TCF7L2: variants seen among roughly 807,000 people sequenced by gnomAD.
TCF7L2 encodes transcription factor 7-like 2.
A neutral mutation model predicts 77.9 loss-of-function variants in TCF7L2; 23 were observed. That is an observed-to-expected ratio of 0.30 (90% CI 0.21 to 0.42). The LOEUF (loss-of-function observed/expected upper bound fraction) is 0.42, where lower values mean the gene tolerates loss of function less well. Among genes scored for constraint, TCF7L2 ranks in the 10% least tolerant of loss-of-function variants. TCF7L2 has a pLI of 1.00. For synonymous variants in TCF7L2, 413 were observed against 340.2 expected (o/e 1.21, Z -2.36); for missense variants, 654 against 793.1 (o/e 0.82, Z 2.11).
chr10:113,151,590 A>G lies in TCF7L2; in HGVS notation c.1002-135A>G. 8.8e-7 allele frequency: 1 copy of G among 1,141,240 alleles called. No homozygotes were observed. Among genetic ancestry groups the G allele is most frequent in the Non-Finnish European group, 1.2e-6 (1 of 842,566 alleles). 70.7% of individuals were successfully genotyped at this position (1,141,240 alleles called of 1,614,324 possible). A position where few individuals can be genotyped will look rare whatever the true frequency, so the allele number is the denominator to read the frequency against. On this transcript the variant is annotated intron_variant, in intron 9 of 13. Coordinates refer to ENST00000627217, the MANE Select transcript of TCF7L2 (RefSeq NM_001146274.2). This position sits in a 1 kb window ranked among gnomAD's most constrained non-coding sequence, Gnocchi z 5.2. Reference sequence around the variant, plus strand: ...TTTGTTCCATTTTCCGGGGTGCAGAAGAACTAAAAGCATGCTTTTTAATCC... The same window carrying G: ...TTTGTTCCATTTTCCGGGGTGCAGAGGAACTAAAAGCATGCTTTTTAATCC...
chr10:113,117,336 A>C (rs2063855416), intron 5 of TCF7L2, among the ~76,000 whole-genome samples: 1 of 143,460 alleles, frequency 7.0e-6, no homozygotes, highest in Non-Finnish European at 1.5e-5. Context: ...TACAACCTGA[A>C]ATATGTTGCT....
In TCF7L2 at chr10:113,104,998, T is replaced by C. The variant is rs1308054624; in HGVS notation, c.553-36186T>C. Among the ~76,000 whole-genome samples, 4 of 152,154 alleles carry C rather than the reference T, an allele frequency of 2.6e-5. No homozygotes were observed. The East Asian group carries it at 7.7e-4, about 29-fold the overall frequency. On this transcript the variant is annotated intron_variant, in intron 5 of 13. Transcript: ENST00000627217. The stretch of plus-strand genomic sequence containing the variant: ...GCAGGAAGCAGAAAAGAAGGGAAGA[T>C]TGTGACAATAACTGTTGCAAAGGCC...
intron 4 of TCF7L2, among the ~76,000 whole-genome samples, chr10:113,008,521 A>G (rs1450270636): frequency 2.6e-5 from 4 of 152,206 alleles, no homozygotes; most frequent in Admixed American, 1.3e-4. Context: ...TAACGCCTTC[A>G]TGGTTTTTGG....
intron 4 of TCF7L2, among the ~76,000 whole-genome samples, chr10:112,986,903 C>T (rs1489492921): frequency 1.3e-5 from 2 of 152,058 alleles, no homozygotes; most frequent in African/African-American, 4.8e-5. Flanking sequence ...TGTTTTATGT[C>T]ACTGTTTTTG....
At chr10:112,966,236 G>A (rs2036878411) in intron 4 of TCF7L2, among the ~76,000 whole-genome samples, 1 of 132,916 alleles carries the variant, frequency 7.5e-6, no homozygotes, top group South Asian at 2.4e-4. Flanking sequence ...TACTTCTGCA[G>A]TTGTGCCGCC....
At position 112,950,563 on chromosome 10, in the gene TCF7L2, C is replaced by T. The variant is rs1208902078; in HGVS notation, c.-194C>T. The T allele has an allele frequency of 3.9e-6, 2 of 517,544 alleles. No homozygotes were observed. The highest frequency in any genetic ancestry group is 2.5e-5 in the South Asian group (1 of 40,264). 32.1% of individuals were successfully genotyped at this position (517,544 alleles called of 1,614,324 possible). A position where few individuals can be genotyped will look rare whatever the true frequency, so the allele number is the denominator to read the frequency against. ...CTCACGCGTGCAGAAGATCTCCCCC[C>T]CCTTCCCCTCCCCTCCTCCCTCTTT... On this transcript the variant is annotated 5_prime_UTR_variant, in exon 1 of 14. Coordinates refer to ENST00000627217, the MANE Select transcript of TCF7L2 (RefSeq NM_001146274.2).
chr10:113,085,869 C>CT (rs905095395), intron 5 of TCF7L2, among the ~76,000 whole-genome samples: 22 of 152,364 alleles, frequency 1.4e-4, no homozygotes, highest in African/African-American at 5.3e-4. Context: ...GATTTTAGTG[C>CT]TGTTCAGCAT....
intron 4 of TCF7L2, among the ~76,000 whole-genome samples, chr10:113,027,749 G>A (rs566110309): frequency 5.5e-4 from 83 of 152,020 alleles, no homozygotes; most frequent in Middle Eastern, 6.8e-3. Context: ...TCTTCTTTTC[G>A]ACCCTCCTTC....
At chr10:112,968,347 C>T (rs181744538) in intron 4 of TCF7L2, among the ~76,000 whole-genome samples, 13 of 152,250 alleles carry the variant, frequency 8.5e-5, no homozygotes, top group Middle Eastern at 3.4e-3. Context: ...ATCCCAAAGA[C>T]GGCAAGGATG....
rs2063962341 is a variant in TCF7L2, at chr10:113,117,428, TC to T, written c.553-23755del. 2.0e-4 allele frequency among the ~76,000 whole-genome samples: 5 copies of T among 24,818 alleles called. 1 individual carries two copies. Among genetic ancestry groups the T allele is most frequent in the African/African-American group, 5.8e-4 (4 of 6,862 alleles). The allele number at this position is 24,818 out of a possible 152,430, so 16.3% of individuals were successfully genotyped here. A position where few individuals can be genotyped will look rare whatever the true frequency, so the allele number is the denominator to read the frequency against. ...CTCTCTCTCTCTCTCTCTCTCTCTC[TC>T]TCTCCCTCTCTCTCTCTCTCTCTCT... On this transcript the variant is annotated intron_variant, in intron 5 of 13. Coordinates refer to ENST00000627217, the MANE Select transcript of TCF7L2 (RefSeq NM_001146274.2).
chr10:112,951,651 C>G (rs1286934499), intron 3 of TCF7L2, 44 bp downstream of exon 3: 43 of 1,062,788 alleles, frequency 4.0e-5, no homozygotes, highest in Non-Finnish European at 4.6e-5. Context: ...CCCGCCCGCC[C>G]GCGCCGCCCG....
intron 5 of TCF7L2, among the ~76,000 whole-genome samples, chr10:113,072,802 T>A (rs2058193875): frequency 6.6e-6 from 1 of 152,210 alleles, no homozygotes; most frequent in African/African-American, 2.4e-5. Flanking sequence ...TGCCTCGATC[T>A]GTAGCAAGCA....
chr10:112,987,943 A>C (rs1233157839), intron 4 of TCF7L2: 1 of 149,368 alleles, frequency 6.7e-6, no homozygotes, highest in East Asian at 2.0e-4. Context: ...GGGAAAAAAA[A>C]CGCACCAGAG....
At chr10:113,122,185 A>G (rs1591992246) in intron 5 of TCF7L2, among the ~76,000 whole-genome samples, 1 of 152,240 alleles carries the variant, frequency 6.6e-6, no homozygotes, top group African/African-American at 2.4e-5. Context: ...TAGTTTATAC[A>G]TAAGATTATT....
intron 7 of TCF7L2, 115 bp downstream of exon 7, chr10:113,144,140 G>GTGC: frequency 1.4e-6 from 1 of 729,738 alleles, no homozygotes; most frequent in Admixed American, 2.9e-5. Flanking sequence ...GTGTGTGTAT[G>GTGC]TGTGTGTGTT....
At chr10:113,148,668 AC>A (rs1185609414) in intron 8 of TCF7L2, among the ~76,000 whole-genome samples, 3 of 152,202 alleles carry the variant, frequency 2.0e-5, no homozygotes, top group Admixed American at 6.5e-5. Flanking sequence ...ATGAAAGCAG[AC>A]GGGGGTATAT....
At chr10:112,999,495 T>C (rs1201767580) in intron 4 of TCF7L2, among the ~76,000 whole-genome samples, 1 of 152,216 alleles carries the variant, frequency 6.6e-6, no homozygotes, top group Admixed American at 6.5e-5. Context: ...GCAGATACCA[T>C]CTCAATTTGC....
intron 5 of TCF7L2, among the ~76,000 whole-genome samples, chr10:113,096,539 C>G (rs1016301167): frequency 6.6e-6 from 1 of 152,108 alleles, no homozygotes; most frequent in Non-Finnish European, 1.5e-5. Context: ...TCTGAAAGGC[C>G]ATTTCAAACC....
At chr10:113,150,920 C>A (rs200408974) in intron 8 of TCF7L2, 78 bp from the exon 9 acceptor site, 23 of 1,320,896 alleles carry the variant, frequency 1.7e-5, no homozygotes, top group Non-Finnish European at 2.0e-5. Context: ...TTTTTTTTTT[C>A]TTTTTAATTG....
Sources: gnomAD v4.1 joint callset for allele counts (sites outside exome capture counted in the v4.1 genomes callset) on GRCh38, gnomAD v4.1.1 for gene constraint, Gnocchi (gnomAD v3.1) non-coding constraint, MANE v1.5 for transcripts, NCBI Gene and HGNC (gene_info 2026-07-23, HGNC 2026-07-21) for gene names.